The following FZR1 variants were observed in gnomAD, a reference collection of about 807,000 sequenced individuals.
FZR1 encodes the protein fizzy and cell division cycle 20 related 1, also known as fizzy-related protein homolog.
A neutral mutation model predicts 63.6 loss-of-function variants in FZR1; 11 were observed. That is an observed-to-expected ratio of 0.17 (90% CI 0.11 to 0.29). The LOEUF (loss-of-function observed/expected upper bound fraction) is 0.29. Ranked by LOEUF, FZR1 falls within the 10% of genes least tolerant of loss-of-function variation. The pLI is 1.00. For missense variants in FZR1, 440 were observed against 687.5 expected, an observed-to-expected ratio of 0.64 and a Z score of 4.03; for synonymous variants, 328 against 297.9, an observed-to-expected ratio of 1.10 and a Z score of -1.04.
In FZR1 at chr19:3,530,876, G is replaced by A. The variant is rs370566438; in HGVS notation, c.720+19G>A. ...TGAGCGGGTGAGTGCAGAGGGCTTG[G>A]CCCCCACCTGGGAGATCTGATGGGG... is the stretch of plus-strand genomic sequence containing the variant. On this transcript the variant is annotated intron_variant, in intron 8 of 13. Transcript: ENST00000441788. The A allele has an allele frequency of 1.3e-5, 21 of 1,599,358 alleles. No homozygotes were observed. The highest frequency in any genetic ancestry group is 6.7e-5 in the African/African-American group (5 of 74,646).
At chr19:3,529,362 G>GGATGGGAGAGCA (rs1254187166) in intron 7 of FZR1, among the ~76,000 whole-genome samples, 2 of 145,246 alleles carry the variant, frequency 1.4e-5, no homozygotes, top group Non-Finnish European at 1.5e-5. Context: ...ATGGGAGAGC[G>GGATGGGAGAGCA]GATGGGAGAG....
Position 3,526,963 on chromosome 19 carries a change from T to C in FZR1, c.388-17T>C, listed in dbSNP as rs376500184. ...GGCCTGGGCGTGCGCTCAGCTGGCA[T>C]GTCCCCCGCTCCACAGTATTCCCTT... On this transcript the variant is annotated splice_polypyrimidine_tract_variant and intron_variant, in intron 5 of 13. Transcript: ENST00000441788. This position sits in a 1 kb window ranked among gnomAD's most constrained non-coding sequence, Gnocchi z 5.4. 39 of 1,596,250 alleles carry C rather than the reference T, an allele frequency of 2.4e-5. No individual in the cohort carries two copies. In the African/African-American group the frequency reaches 3.6e-4, roughly 15 times the overall value.
In FZR1 at chr19:3,524,125, G is replaced by A. The variant is rs550222492; in HGVS notation, c.69+1067G>A. ...GAGGCATAAATACAGGGGCATCTGT[G>A]TGCACAGAGAGGATCTGGGCACCAC... On this transcript the variant is annotated intron_variant, in intron 2 of 13. Transcript: ENST00000441788. Among the ~76,000 whole-genome samples, 3 of 152,352 alleles carry A rather than the reference G, an allele frequency of 2.0e-5. No individual in the cohort carries two copies. In the East Asian group the frequency reaches 5.8e-4, roughly 29 times the overall value.
chr19:3,519,736 C>G (rs899051890), intron 1 of FZR1, among the ~76,000 whole-genome samples: 40 of 152,220 alleles, frequency 2.6e-4, no homozygotes, highest in Non-Finnish European at 1.3e-4. Flanking sequence ...GACGGAGACT[C>G]CCCCAGGAGC....
In FZR1 at chr19:3,533,415, C is replaced by T. The variant is rs2083267302; in HGVS notation, c.1347+17C>T. On this transcript the variant is annotated intron_variant, in intron 12 of 13. Coordinates refer to ENST00000441788, the MANE Select transcript of FZR1 (RefSeq NM_016263.4). The surrounding 1 kb of genome is among the most constrained non-coding windows in gnomAD (Gnocchi z 4.9). The stretch of plus-strand genomic sequence containing the variant: ...CTGTACCTGGTGAGTTCACGCCAGG[C>T]ACTTCAAGGTGCCCCGGGATTCTGG... The T allele has an allele frequency of 6.7e-6, 10 of 1,501,550 alleles. No individual in the cohort carries two copies. The highest frequency in any genetic ancestry group is 8.3e-6 in the Non-Finnish European group (9 of 1,078,440). The allele number at this position is 1,501,550 out of a possible 1,614,324, so 93.0% of individuals were successfully genotyped here.
At chr19:3,513,406 C>G (rs145378534) in intron 1 of FZR1, among the ~76,000 whole-genome samples, 1 of 152,294 alleles carries the variant, frequency 6.6e-6, no homozygotes, top group East Asian at 1.9e-4. Context: ...GACACTTCGC[C>G]TCCTGGGGCA....
At chr19:3,534,017 G>A (rs2083272943) in intron 12 of FZR1, among the ~76,000 whole-genome samples, 1 of 152,016 alleles carries the variant, frequency 6.6e-6, no homozygotes, top group Admixed American at 6.6e-5. Flanking sequence ...GAGCCCAGGA[G>A]TTCAAGACCA....
intron 7 of FZR1, among the ~76,000 whole-genome samples, chr19:3,530,304 G>A (rs1436931665): frequency 1.5e-5 from 2 of 131,438 alleles, no homozygotes; most frequent in African/African-American, 3.0e-5. Flanking sequence ...AGGGGAGAGC[G>A]GAGGAGAGAG....
In FZR1 at chr19:3,536,434, G is replaced by A. The variant is rs2029970889; in HGVS notation, c.*1598G>A. On this transcript the variant is annotated 3_prime_UTR_variant, in exon 14 of 14. Transcript: ENST00000441788. ...GTGCACGTGGCAGTGTGGATTTCCA[G>A]TGGTCACGGTCTTACTGTTTCAAGG... The A allele has an allele frequency of 1.3e-5, 2 of 152,046 alleles. No homozygotes were observed. Among genetic ancestry groups the A allele is most frequent in the African/African-American group, 4.8e-5 (2 of 41,366 alleles). The allele number at this position is 152,046 out of a possible 1,614,324, so 9.4% of individuals were successfully genotyped here.
chr19:3,515,846 G>A lies in FZR1; in HGVS notation c.-34-7110G>A, dbSNP rs1007698907. Among the ~76,000 whole-genome samples, 2 of 150,136 alleles carry A rather than the reference G, an allele frequency of 1.3e-5. No individual in the cohort carries two copies. Among genetic ancestry groups the A allele is most frequent in the Admixed American group, 1.3e-4 (2 of 15,040 alleles). On this transcript the variant is annotated intron_variant, in intron 1 of 13. Transcript: ENST00000441788. This position sits in a 1 kb window ranked among gnomAD's most constrained non-coding sequence, Gnocchi z 4.6. ...AAGGCTTCTTTCCTCCCCAATCCTC[G>A]TCCTCTCCTTCCTCTCCCCACCCAC...
intron 7 of FZR1, 41 bp from the exon 8 acceptor site, chr19:3,530,748 GCTT>G (rs1169416058): frequency 1.8e-5 from 27 of 1,504,472 alleles, no homozygotes; most frequent in African/African-American, 4.1e-5. Flanking sequence ...ATAGACTGGG[GCTT>G]CGAGACCAGC....
chr19:3,507,247 C>T (rs1415049157), intron 1 of FZR1, among the ~76,000 whole-genome samples: 1 of 151,558 alleles, frequency 6.6e-6, no homozygotes, highest in Non-Finnish European at 1.5e-5. Context: ...CTCCCTCCTC[C>T]GAACTGAACC....
At chr19:3,512,215 CCT>C (rs970393239) in intron 1 of FZR1, among the ~76,000 whole-genome samples, 2 of 152,204 alleles carry the variant, frequency 1.3e-5, no homozygotes, top group Admixed American at 6.5e-5. Flanking sequence ...CCTGCGTACC[CCT>C]GTCATGAGTC....
intron 1 of FZR1, among the ~76,000 whole-genome samples, chr19:3,518,677 A>C (rs1190345970): frequency 6.6e-6 from 1 of 152,172 alleles, no homozygotes; most frequent in East Asian, 1.9e-4. Flanking sequence ...TTACTTTGGC[A>C]GCTAGTTGTT....
intron 1 of FZR1, among the ~76,000 whole-genome samples, chr19:3,518,158 G>A (rs1268828527): frequency 2.0e-5 from 3 of 151,942 alleles, no homozygotes; most frequent in Admixed American, 6.6e-5. Context: ...AGGATTACAA[G>A]CATATGCCAC....
rs1284119496 is a variant in FZR1, at chr19:3,526,594, G to A, written c.387+208G>A. ...CTAGCAGGTAAACTGGGATGTGGGG[G>A]TGCGGGAGGAATCCAGGCTCAGCCT... On this transcript the variant is annotated intron_variant, in intron 5 of 13. Transcript: ENST00000441788. The surrounding 1 kb of genome is among the most constrained non-coding windows in gnomAD (Gnocchi z 5.4). 1.3e-5 allele frequency among the ~76,000 whole-genome samples: 2 copies of A among 152,352 alleles called. No individual in the cohort carries two copies. Among genetic ancestry groups the A allele is most frequent in the East Asian group, 3.9e-4 (2 of 5,182 alleles).
intron 2 of FZR1, among the ~76,000 whole-genome samples, chr19:3,524,251 G>A (rs762694061): frequency 3.9e-5 from 6 of 152,224 alleles, no homozygotes; most frequent in Admixed American, 6.5e-5. Context: ...CCAGCAGTGC[G>A]TGGGAGGGCG....
chr19:3,521,551 G>A (rs1341548887), intron 1 of FZR1, among the ~76,000 whole-genome samples: 1 of 152,082 alleles, frequency 6.6e-6, no homozygotes, highest in Non-Finnish European at 1.5e-5. Flanking sequence ...ACCCAGGCAG[G>A]AGTGCAGCGG....
intron 1 of FZR1, among the ~76,000 whole-genome samples, chr19:3,509,739 G>A (rs906705499): frequency 6.6e-6 from 1 of 152,226 alleles, no homozygotes; most frequent in African/African-American, 2.4e-5. Context: ...CTCACTGAGT[G>A]TGATGTCCTC....
Sources: allele counts gnomAD v4.1 joint callset (sites outside exome capture counted in the v4.1 genomes callset), GRCh38; gene constraint gnomAD v4.1.1; non-coding constraint Gnocchi (gnomAD v3.1); transcripts MANE v1.5; gene names NCBI Gene and HGNC (gene_info 2026-07-23, HGNC 2026-07-21).